The following ADGRB3 variants were observed in gnomAD, a reference collection of about 807,000 sequenced individuals.
ADGRB3 encodes adhesion G protein-coupled receptor B3.
In ADGRB3, 37 loss-of-function variants were observed where a neutral mutation model predicts 193.4. The observed-to-expected ratio is 0.19, with a 90% CI of 0.15 to 0.25. The LOEUF is 0.25. Ranked by LOEUF, ADGRB3 falls within the 10% of genes least tolerant of loss-of-function variation. The probability of loss-of-function intolerance (pLI) is 1.00; values close to 1 mark genes in which losing one functional copy is unlikely to be tolerated. For missense variants in ADGRB3, 1,637 were observed against 1,852.9 expected (o/e 0.88, Z 2.14); for synonymous variants, 690 against 644.2 (o/e 1.07, Z -1.08).
At chr6:68,757,612 C>T (rs1766321318) in intron 3 of ADGRB3, among the ~76,000 whole-genome samples, 1 of 152,030 alleles carries the variant, frequency 6.6e-6, no homozygotes, top group Non-Finnish European at 1.5e-5. Flanking sequence ...TCCTATGTCT[C>T]CTGAAATTTT....
intron 3 of ADGRB3, among the ~76,000 whole-genome samples, chr6:68,702,840 C>T (rs1313179241): frequency 6.6e-6 from 1 of 152,084 alleles, no homozygotes; most frequent in Non-Finnish European, 1.5e-5. Context: ...CTGGCTGATA[C>T]ATTCGACTGA....
chr6:68,981,900 CAG>C (rs1768925724), intron 10 of ADGRB3, among the ~76,000 whole-genome samples: 1 of 130,196 alleles, frequency 7.7e-6, no homozygotes, highest in Non-Finnish European at 1.8e-5. Context: ...TTATTTTAGA[CAG>C]AGTCTCACTC....
At position 68,709,466 on chromosome 6, in the gene ADGRB3, G is replaced by A. The variant is rs1459040168; in HGVS notation, c.757+70034G>A. Among the ~76,000 whole-genome samples, 5 of 152,070 alleles carry A rather than the reference G, an allele frequency of 3.3e-5. 1 individual carries two copies. Among genetic ancestry groups the A allele is most frequent in the South Asian group, 4.1e-4 (2 of 4,826 alleles). ...AGAAAATAATTTTACATAACAATAGGTAACTTGAATACTAAGTGGTTTTTC... is the reference window on the plus strand; with the variant it reads ...AGAAAATAATTTTACATAACAATAGATAACTTGAATACTAAGTGGTTTTTC... On this transcript the variant is annotated intron_variant, in intron 3 of 31. Transcript: ENST00000370598.
chr6:68,727,121 T>G (rs1264001194), intron 3 of ADGRB3, among the ~76,000 whole-genome samples: 2 of 151,654 alleles, frequency 1.3e-5, no homozygotes. Flanking sequence ...ATCCAGTTCC[T>G]TTTCAGCTTT....
chr6:68,899,298 T>G lies in ADGRB3; in HGVS notation c.758-31261T>G, dbSNP rs575987630. On this transcript the variant is annotated intron_variant, in intron 3 of 31. Transcript: ENST00000370598. ...TTAGATAAATTATTTTGCCATTCTTTTTTTTATTATACTTTAAATTTTAGG... is the reference window on the plus strand; with the variant it reads ...TTAGATAAATTATTTTGCCATTCTTGTTTTTATTATACTTTAAATTTTAGG... Among the ~76,000 whole-genome samples, 4 of 152,294 alleles carry G rather than the reference T, an allele frequency of 2.6e-5. No individual in the cohort carries two copies. The East Asian group carries it at 7.7e-4, about 29-fold the overall frequency.
chr6:68,995,640 A>G (rs563060482), intron 11 of ADGRB3, among the ~76,000 whole-genome samples: 44 of 152,262 alleles, frequency 2.9e-4, no homozygotes, highest in African/African-American at 1.0e-3. Flanking sequence ...TACTTCATCA[A>G]AGGAAGTATA....
chr6:69,175,456 C>A (rs1297655345), intron 17 of ADGRB3, among the ~76,000 whole-genome samples: 2 of 152,050 alleles, frequency 1.3e-5, no homozygotes, highest in African/African-American at 4.8e-5. Context: ...TGCAGGTGTG[C>A]AGCTTTATTT....
intron 17 of ADGRB3, among the ~76,000 whole-genome samples, chr6:69,168,122 A>G (rs1251503498): frequency 1.3e-5 from 2 of 152,296 alleles, no homozygotes; most frequent in South Asian, 2.1e-4. Context: ...TTACCTAACT[A>G]TGTAACCTGA....
intron 3 of ADGRB3, among the ~76,000 whole-genome samples, chr6:68,768,085 G>A (rs1172248792): frequency 6.6e-6 from 1 of 152,146 alleles, no homozygotes; most frequent in Non-Finnish European, 1.5e-5. Flanking sequence ...TGCATAGGAA[G>A]AATCAATGTT....
chr6:69,084,760 C>T (rs1243013818), intron 17 of ADGRB3, among the ~76,000 whole-genome samples: 2 of 152,070 alleles, frequency 1.3e-5, no homozygotes, highest in African/African-American at 4.8e-5. Flanking sequence ...TCACTCTAAG[C>T]TCCAGATTAC....
intron 3 of ADGRB3, among the ~76,000 whole-genome samples, chr6:68,705,416 T>C (rs117617888): frequency 6.6e-6 from 1 of 152,360 alleles, no homozygotes; most frequent in Non-Finnish European, 1.5e-5. Flanking sequence ...TAAATCAGCA[T>C]TTCAGTGGTC....
chr6:68,755,774 G>C (rs1313462775), intron 3 of ADGRB3, among the ~76,000 whole-genome samples: 2 of 152,136 alleles, frequency 1.3e-5, no homozygotes, highest in Admixed American at 6.5e-5. Flanking sequence ...AGGAAGTGGA[G>C]AGTCTCAAAC....
intron 17 of ADGRB3, among the ~76,000 whole-genome samples, chr6:69,076,308 G>A (rs554763632): frequency 7.2e-4 from 109 of 152,196 alleles, no homozygotes; most frequent in South Asian, 2.3e-3. Flanking sequence ...TAAAAGCTCT[G>A]ATATTTTAGA....
chr6:68,746,509 A>T (rs988415652), intron 3 of ADGRB3, among the ~76,000 whole-genome samples: 2 of 152,118 alleles, frequency 1.3e-5, no homozygotes, highest in Non-Finnish European at 2.9e-5. Context: ...TCATAATTAG[A>T]ATCCTGTTTC....
Position 68,968,114 on chromosome 6 carries a change from C to G in ADGRB3, c.1526-6649C>G, listed in dbSNP as rs1206066942. Among the ~76,000 whole-genome samples, 4 of 129,934 alleles carry G rather than the reference C, an allele frequency of 3.1e-5. No homozygotes were observed. In the East Asian group the frequency reaches 5.8e-4, roughly 19 times the overall value. The allele number at this position is 129,934 out of a possible 152,430, so 85.2% of individuals were successfully genotyped here. A position where few individuals can be genotyped will look rare whatever the true frequency, so the allele number is the denominator to read the frequency against. ...GAGAGGACGTTTTATTTTTCCCCAA[C>G]TATTTGCCTTAAAAAAAAAATGAAG... On this transcript the variant is annotated intron_variant, in intron 8 of 31. Coordinates refer to ENST00000370598, the MANE Select transcript of ADGRB3 (RefSeq NM_001704.3).
chr6:69,376,377 C>T (rs2127343085), intron 30 of ADGRB3, among the ~76,000 whole-genome samples: 1 of 152,002 alleles, frequency 6.6e-6, no homozygotes. Flanking sequence ...GGATTATAGG[C>T]ATGAGCCACC....
chr6:68,840,286 G>A (rs1323866049), intron 3 of ADGRB3, among the ~76,000 whole-genome samples: 1 of 149,778 alleles, frequency 6.7e-6, no homozygotes, highest in African/African-American at 2.5e-5. Flanking sequence ...TAGAAGGAGA[G>A]GGAAGAGTAA....
chr6:69,090,545 A>C lies in ADGRB3; in HGVS notation c.2480+14507A>C, dbSNP rs147610828. 8.1e-4 allele frequency among the ~76,000 whole-genome samples: 124 copies of C among 152,294 alleles called. No individual in the cohort carries two copies. The East Asian group carries it at 0.02, about 24-fold the overall frequency. On this transcript the variant is annotated intron_variant, in intron 17 of 31. Coordinates refer to ENST00000370598, the MANE Select transcript of ADGRB3 (RefSeq NM_001704.3). ...TATTCATTTATTATTTGATTCTTTC[A>C]TGCATATATTTATTCAAGAACCATT...
chr6:68,877,698 A>T (rs956536355), intron 3 of ADGRB3, among the ~76,000 whole-genome samples: 1 of 152,138 alleles, frequency 6.6e-6, no homozygotes, highest in African/African-American at 2.4e-5. Flanking sequence ...TTATTGGTTT[A>T]AAAATACTTT....
Sources: gnomAD v4.1 joint callset for allele counts (sites outside exome capture counted in the v4.1 genomes callset) on GRCh38, gnomAD v4.1.1 for gene constraint, MANE v1.5 for transcripts, NCBI Gene and HGNC (gene_info 2026-07-23, HGNC 2026-07-21) for gene names.